KCNMB2: variants seen among roughly 807,000 people sequenced by gnomAD.
KCNMB2 encodes the protein calcium-activated potassium channel subunit beta-2.
In KCNMB2, 9 loss-of-function variants were observed where a neutral mutation model predicts 24.5. The observed-to-expected ratio is 0.37, with a 90% CI of 0.22 to 0.64. The LOEUF is 0.64. Among genes scored for constraint, KCNMB2 ranks in the 30% least tolerant of loss-of-function variants. The probability of loss-of-function intolerance (pLI) is 0.63; values close to 1 mark genes in which losing one functional copy is unlikely to be tolerated. For missense variants in KCNMB2, 226 were observed against 284.3 expected (o/e 0.79, Z 1.47); for synonymous variants, 109 against 104.4 (o/e 1.04, Z -0.27).
intron 1 of KCNMB2, among the ~76,000 whole-genome samples, chr3:178,685,248 T>C (rs1206972431): frequency 3.3e-5 from 5 of 152,176 alleles, no homozygotes; most frequent in Non-Finnish European, 7.4e-5. Flanking sequence ...CCTTGATAAA[T>C]AGGGGTGAAG....
intron 1 of KCNMB2, among the ~76,000 whole-genome samples, chr3:178,603,088 G>A (rs968070523): frequency 2.6e-5 from 4 of 152,136 alleles, no homozygotes; most frequent in Admixed American, 6.6e-5. Flanking sequence ...ATTGGATATG[G>A]CAGGTGATGA....
intron 1 of KCNMB2, among the ~76,000 whole-genome samples, chr3:178,560,981 A>G (rs62284795): frequency 0.048 from 7,259 of 152,272 alleles, 226 homozygotes; most frequent in Middle Eastern, 0.092. Context: ...AGAAGCACAC[A>G]GCAGAGTATC....
intron 1 of KCNMB2, among the ~76,000 whole-genome samples, chr3:178,752,493 T>C: frequency 6.6e-6 from 1 of 152,176 alleles, no homozygotes; most frequent in East Asian, 1.9e-4. Context: ...GACCACATTG[T>C]GGAGTGAGTT....
At chr3:178,672,751 C>T (rs757917075) in intron 1 of KCNMB2, among the ~76,000 whole-genome samples, 1 of 152,130 alleles carries the variant, frequency 6.6e-6, no homozygotes, top group Admixed American at 6.5e-5. Context: ...TCTTTAAATT[C>T]GTAGTGACTT....
intron 1 of KCNMB2, among the ~76,000 whole-genome samples, chr3:178,705,516 T>C (rs1722248359): frequency 6.6e-6 from 1 of 152,188 alleles, no homozygotes; most frequent in Non-Finnish European, 1.5e-5. Flanking sequence ...GAGTAGGTTT[T>C]ATTTTCATAA....
At chr3:178,743,270 G>T (rs977633168) in intron 1 of KCNMB2, among the ~76,000 whole-genome samples, 4 of 152,048 alleles carry the variant, frequency 2.6e-5, no homozygotes, top group Non-Finnish European at 4.4e-5. Context: ...CTGTAGAAAT[G>T]GTACACATAA....
intron 1 of KCNMB2, among the ~76,000 whole-genome samples, chr3:178,571,267 T>TTTG (rs1420508101): frequency 6.6e-6 from 1 of 151,610 alleles, no homozygotes; most frequent in African/African-American, 2.4e-5. Context: ...ACAAAAGTGT[T>TTTG]TTGTTGTTGT....
intron 1 of KCNMB2, among the ~76,000 whole-genome samples, chr3:178,733,430 A>G (rs1011813046): frequency 3.3e-5 from 5 of 152,114 alleles, no homozygotes; most frequent in African/African-American, 1.2e-4. Flanking sequence ...CAGCCAATGG[A>G]AAGTTTTGAG....
chr3:178,611,199 G>A (rs1457517616), intron 1 of KCNMB2, among the ~76,000 whole-genome samples: 1 of 152,078 alleles, frequency 6.6e-6, no homozygotes, highest in Non-Finnish European at 1.5e-5. Context: ...AATATTGGTA[G>A]GTTGTATGTA....
At chr3:178,716,277 G>T (rs1722615181) in intron 1 of KCNMB2, among the ~76,000 whole-genome samples, 1 of 152,108 alleles carries the variant, frequency 6.6e-6, no homozygotes, top group Non-Finnish European at 1.5e-5. Flanking sequence ...ATACGTCAGG[G>T]TCTTGTTAAA....
chr3:178,546,903 G>A (rs1715792097), intron 1 of KCNMB2, among the ~76,000 whole-genome samples: 1 of 152,196 alleles, frequency 6.6e-6, no homozygotes. Flanking sequence ...TCCAAATGAT[G>A]CTAGCCTAGC....
intron 1 of KCNMB2, among the ~76,000 whole-genome samples, chr3:178,646,672 G>C (rs965545537): frequency 6.6e-6 from 1 of 152,192 alleles, no homozygotes; most frequent in African/African-American, 2.4e-5. Context: ...CAGGGTGATG[G>C]AAGCATTCTC....
At chr3:178,617,889 TAAAA>T (rs3052262) in intron 1 of KCNMB2, among the ~76,000 whole-genome samples, 4 of 99,276 alleles carry the variant, frequency 4.0e-5, no homozygotes, top group African/African-American at 7.6e-5. Flanking sequence ...AGACTCTGTC[TAAAA>T]AAAAAAAAAA....
chr3:178,703,867 A>G (rs1265899879), intron 1 of KCNMB2, among the ~76,000 whole-genome samples: 2 of 152,198 alleles, frequency 1.3e-5, no homozygotes, highest in Non-Finnish European at 2.9e-5. Flanking sequence ...CACATTTATT[A>G]TAAGATGTTA....
At chr3:178,790,972 T>C (rs1713298957) in intron 1 of KCNMB2, among the ~76,000 whole-genome samples, 1 of 152,210 alleles carries the variant, frequency 6.6e-6, no homozygotes, top group Non-Finnish European at 1.5e-5. Context: ...TCATTCCTCT[T>C]GAATACCTGG....
intron 1 of KCNMB2, among the ~76,000 whole-genome samples, chr3:178,664,107 T>A (rs1720632947): frequency 6.6e-6 from 1 of 152,172 alleles, no homozygotes; most frequent in Admixed American, 6.6e-5. Context: ...TACCTCCTGA[T>A]GGTTAGGGAG....
chr3:178,572,737 C>T (rs1196079765), intron 1 of KCNMB2, among the ~76,000 whole-genome samples: 1 of 152,170 alleles, frequency 6.6e-6, no homozygotes, highest in Non-Finnish European at 1.5e-5. Context: ...CATCCAGACT[C>T]AGTCCTCAGA....
At chr3:178,742,041 A>G (rs1723511953) in intron 1 of KCNMB2, among the ~76,000 whole-genome samples, 1 of 152,238 alleles carries the variant, frequency 6.6e-6, no homozygotes, top group Non-Finnish European at 1.5e-5. Context: ...TGGGCAGGTA[A>G]AGAAAGTCTA....
intron 1 of KCNMB2, among the ~76,000 whole-genome samples, chr3:178,601,353 T>C (rs1718078028): frequency 6.6e-6 from 1 of 152,004 alleles, no homozygotes; most frequent in Non-Finnish European, 1.5e-5. Flanking sequence ...TAAAAATAAA[T>C]AAATAAATAA....
Sources: allele counts gnomAD v4.1 joint callset (sites outside exome capture counted in the v4.1 genomes callset), GRCh38; gene constraint gnomAD v4.1.1; transcripts MANE v1.5; gene names NCBI Gene and HGNC (gene_info 2026-07-23, HGNC 2026-07-21).